The following JARID2 variants were observed in gnomAD, a reference collection of about 807,000 sequenced individuals.
JARID2 encodes protein Jumonji.
JARID2 carries 21 observed loss-of-function variants against 125.6 expected under a neutral mutation model. The observed-to-expected ratio is 0.17, with a 90% CI of 0.12 to 0.24. The LOEUF (loss-of-function observed/expected upper bound fraction) is 0.24. JARID2 is among the 10% of genes least tolerant of loss of function. The pLI is 1.00. For missense variants in JARID2, 1,303 were observed against 1,639.6 expected, an observed-to-expected ratio of 0.79 and a Z score of 3.55; for synonymous variants, 736 against 661.6, an observed-to-expected ratio of 1.11 and a Z score of -1.73.
chr6:15,490,957 T>C (rs1310551954), intron 6 of JARID2, among the ~76,000 whole-genome samples: 9 of 152,208 alleles, frequency 5.9e-5, no homozygotes, highest in Admixed American at 2.6e-4. Flanking sequence ...ATCAACTGGC[T>C]AATCCCACTG....
At chr6:15,413,005 T>G (rs1362992756) in intron 3 of JARID2, among the ~76,000 whole-genome samples, 15 of 59,194 alleles carry the variant, frequency 2.5e-4, no homozygotes, top group African/African-American at 1.5e-3. Flanking sequence ...AGCTTGTGTT[T>G]TTGTTTTTTT....
In JARID2 at chr6:15,274,428, A is replaced by G. The variant is rs763306522; in HGVS notation, c.45+27844A>G. On this transcript the variant is annotated intron_variant, in intron 1 of 17. Transcript: ENST00000341776. ...TTTTACAGAGAAAAACTAAACATTTATATGCATTATTTAGTATTTTGTTCT... is the reference window on the plus strand; with the variant it reads ...TTTTACAGAGAAAAACTAAACATTTGTATGCATTATTTAGTATTTTGTTCT... 3.0e-4 allele frequency among the ~76,000 whole-genome samples: 45 copies of G among 152,212 alleles called. 1 individual carries two copies. The highest frequency in any genetic ancestry group is 2.9e-3 in the Admixed American group (45 of 15,274).
At position 15,520,114 on chromosome 6, in the gene JARID2, G is replaced by C; in HGVS notation, c.3604G>C (p.Gly1202Arg). The change falls in exon 18 of 18, where the codon GGT becomes CGT. Residue 1202 changes from glycine to arginine, a missense_variant. Physicochemically the swap from Gly to Arg is moderately radical, Grantham distance 125. Around this residue, in one of 11 missense-constraint regions of JARID2, gnomAD observed 75 missense variants for 66.0 expected, o/e 1.14. Transcript: ENST00000341776. ...CAATCAGATCTGCGGCAAAGTGTCT[G>C]GTAAAAACGGCAGCATTGAGAACTG... ...LVNQICGKVS[G>R]KNGSIENCLS... 1 of 1,613,798 alleles carries C rather than the reference G, an allele frequency of 6.2e-7. No homozygotes were observed. The highest frequency in any genetic ancestry group is 8.5e-7 in the Non-Finnish European group (1 of 1,179,892).
At chr6:15,423,416 G>T (rs1766588017) in intron 3 of JARID2, among the ~76,000 whole-genome samples, 1 of 152,182 alleles carries the variant, frequency 6.6e-6, no homozygotes, top group African/African-American at 2.4e-5. Flanking sequence ...AATTCAGAAG[G>T]ATTAATATAG....
intron 1 of JARID2, among the ~76,000 whole-genome samples, chr6:15,254,513 C>T (rs962372906): frequency 6.6e-6 from 1 of 152,116 alleles, no homozygotes; most frequent in Admixed American, 6.5e-5. Context: ...TACATGATTA[C>T]TTACATAATC....
chr6:15,397,252 C>G (rs1035402137), intron 2 of JARID2, among the ~76,000 whole-genome samples: 1 of 152,052 alleles, frequency 6.6e-6, no homozygotes, highest in African/African-American at 2.4e-5. Flanking sequence ...TTTATCACAC[C>G]CTATGTGATA....
intron 1 of JARID2, among the ~76,000 whole-genome samples, chr6:15,298,586 A>G (rs1300527200): frequency 1.3e-5 from 2 of 151,780 alleles, no homozygotes; most frequent in East Asian, 1.9e-4. Flanking sequence ...AGGCTGAGGC[A>G]GGAGAATTGC....
intron 3 of JARID2, among the ~76,000 whole-genome samples, chr6:15,425,027 G>A (rs1479392108): frequency 6.6e-6 from 1 of 152,084 alleles, no homozygotes; most frequent in African/African-American, 2.4e-5. Flanking sequence ...CCATCCTACC[G>A]ATGAGAACAC....
intron 1 of JARID2, among the ~76,000 whole-genome samples, chr6:15,358,414 A>T (rs892617147): frequency 6.6e-6 from 1 of 152,180 alleles, no homozygotes; most frequent in East Asian, 1.9e-4. Context: ...GAGTTTCCCG[A>T]TACTGGTACT....
intron 3 of JARID2, among the ~76,000 whole-genome samples, chr6:15,449,192 C>T (rs1348981874): frequency 6.6e-6 from 1 of 152,144 alleles, no homozygotes; most frequent in East Asian, 1.9e-4. Context: ...CAAAAAAGCT[C>T]TCTTTGTTCC....
chr6:15,322,085 T>G (rs1762380355), intron 1 of JARID2, among the ~76,000 whole-genome samples: 1 of 152,176 alleles, frequency 6.6e-6, no homozygotes, highest in Non-Finnish European at 1.5e-5. Context: ...GCGCCCGGCC[T>G]GGAAGAAGTA....
chr6:15,493,469 G>A (rs1770253829), intron 6 of JARID2, among the ~76,000 whole-genome samples: 1 of 152,170 alleles, frequency 6.6e-6, no homozygotes, highest in Non-Finnish European at 1.5e-5. Flanking sequence ...ATTTTGATTA[G>A]CGATATACGA....
chr6:15,310,748 G>C (rs1357739976), intron 1 of JARID2, among the ~76,000 whole-genome samples: 3 of 152,218 alleles, frequency 2.0e-5, no homozygotes, highest in African/African-American at 7.2e-5. Context: ...TGGTGGCCCA[G>C]TTCTGGAAGT....
chr6:15,409,916 T>C (rs1356788512), intron 2 of JARID2, among the ~76,000 whole-genome samples: 3 of 152,220 alleles, frequency 2.0e-5, no homozygotes, highest in Non-Finnish European at 4.4e-5. Flanking sequence ...CTTTCAACCC[T>C]TTAGCTGCAA....
At chr6:15,464,538 A>G (rs1057351774) in intron 4 of JARID2, among the ~76,000 whole-genome samples, 1 of 152,188 alleles carries the variant, frequency 6.6e-6, no homozygotes, top group Non-Finnish European at 1.5e-5. Flanking sequence ...CAGTCAGGCC[A>G]TATCCAGGCT....
At chr6:15,391,978 C>T (rs1765028254) in intron 2 of JARID2, among the ~76,000 whole-genome samples, 1 of 151,956 alleles carries the variant, frequency 6.6e-6, no homozygotes, top group Non-Finnish European at 1.5e-5. Flanking sequence ...GAAATGTGCC[C>T]TTCATGGCTA....
intron 1 of JARID2, among the ~76,000 whole-genome samples, chr6:15,268,613 G>C (rs189047964): frequency 6.6e-6 from 1 of 152,182 alleles, no homozygotes; most frequent in Non-Finnish European, 1.5e-5. Flanking sequence ...GCCTCCGAAG[G>C]CCTCTGGGAC....
At chr6:15,348,496 A>G (rs1763319813) in intron 1 of JARID2, among the ~76,000 whole-genome samples, 1 of 152,158 alleles carries the variant, frequency 6.6e-6, no homozygotes, top group Non-Finnish European at 1.5e-5. Flanking sequence ...ATAAACTTCC[A>G]TGGGCTGGGA....
intron 3 of JARID2, among the ~76,000 whole-genome samples, chr6:15,415,481 C>T (rs2127577318): frequency 6.7e-6 from 1 of 150,334 alleles, no homozygotes; most frequent in East Asian, 2.0e-4. Flanking sequence ...GGGCGGCTGG[C>T]CGGGCAGAGG....
Sources: gnomAD v4.1 joint callset for allele counts (sites outside exome capture counted in the v4.1 genomes callset) on GRCh38, gnomAD v4.1.1 for gene constraint, gnomAD v4.1.1 regional missense constraint, MANE v1.5 for transcripts, NCBI Gene and HGNC (gene_info 2026-07-23, HGNC 2026-07-21) for gene names.